HIVEP1: variants seen among roughly 807,000 people sequenced by gnomAD.
HIVEP1 encodes zinc finger protein 40.
Under a neutral mutation model 180.0 loss-of-function variants are expected in HIVEP1, and 36 were observed. The observed-to-expected ratio is 0.20, with a 90% CI of 0.15 to 0.26. The LOEUF is 0.26. Ranked by LOEUF, HIVEP1 falls within the 10% of genes least tolerant of loss-of-function variation. HIVEP1 has a pLI of 1.00. For synonymous variants in HIVEP1, 1,239 were observed against 1,239.0 expected (o/e 1.00, Z 0.00); for missense variants, 3,143 against 3,268.7 (o/e 0.96, Z 0.94).
intron 7 of HIVEP1, among the ~76,000 whole-genome samples, chr6:12,145,104 A>G (rs1032163068): frequency 1.3e-5 from 2 of 152,216 alleles, no homozygotes; most frequent in African/African-American, 4.8e-5. Context: ...ACAATAGCAA[A>G]GACTTGGAAC....
intron 2 of HIVEP1, among the ~76,000 whole-genome samples, chr6:12,053,225 A>ATG (rs767873433): frequency 1.6e-4 from 25 of 151,590 alleles, no homozygotes; most frequent in South Asian, 4.2e-4. Context: ...TATGCTGTTC[A>ATG]TGTGTGTGTG....
intron 3 of HIVEP1, among the ~76,000 whole-genome samples, chr6:12,114,447 G>T (rs1201370786): frequency 6.6e-6 from 1 of 151,762 alleles, no homozygotes; most frequent in East Asian, 1.9e-4. Context: ...GTTTCTTTTT[G>T]TTTCTAGCTC....
Position 12,123,944 on chromosome 6 carries a change from C to T in HIVEP1, c.4149C>T (p.Leu1383=), listed in dbSNP as rs1757882076. The change falls in exon 4 of 9, where the codon CTC becomes CTT. Residue 1383 remains leucine, a synonymous_variant. Transcript: ENST00000379388. The part of the protein sequence containing the change: ...CTQTSMEVSD[L]RSKSFDCGSI... Reference sequence around the variant, plus strand: ...AAACGTCAATGGAGGTCTCTGATCTCAGAAGCAAATCATTCGATTGTGGAA... The same window carrying T: ...AAACGTCAATGGAGGTCTCTGATCTTAGAAGCAAATCATTCGATTGTGGAA... 6.2e-7 allele frequency: 1 copy of T among 1,614,118 alleles called. No homozygotes were observed.
the HIVEP1 span, among the ~76,000 whole-genome samples, chr6:12,180,439 T>C: frequency 5.9e-5 from 9 of 152,312 alleles, no homozygotes; most frequent in East Asian, 3.9e-4. Flanking sequence ...TTATAAGCAT[T>C]CAATATTTTC....
At chr6:12,146,375 G>A (rs559381680) in intron 7 of HIVEP1, among the ~76,000 whole-genome samples, 9 of 152,226 alleles carry the variant, frequency 5.9e-5, no homozygotes, top group East Asian at 1.9e-4. Context: ...CCTAGGAGGC[G>A]GAGATTGCGG....
chr6:12,173,488 A>G, the HIVEP1 span, among the ~76,000 whole-genome samples: 1 of 152,234 alleles, frequency 6.6e-6, no homozygotes, highest in East Asian at 1.9e-4. Context: ...AAAGCGTAAG[A>G]GAGAAAAATA....
chr6:12,046,369 G>A (rs1770113575), intron 2 of HIVEP1, among the ~76,000 whole-genome samples: 1 of 152,108 alleles, frequency 6.6e-6, no homozygotes, highest in African/African-American at 2.4e-5. Flanking sequence ...AAAAAGTCTT[G>A]TGGCACACTG....
rs1775479212 is a variant in HIVEP1, at chr6:12,120,180, G to C, written c.385G>C (p.Val129Leu). 1 of 1,614,062 alleles carries C rather than the reference G, an allele frequency of 6.2e-7. No individual in the cohort carries two copies. Among genetic ancestry groups the C allele is most frequent in the African/African-American group, 1.3e-5 (1 of 74,926 alleles). The change falls in exon 4 of 9, where the codon GTC becomes CTC. Residue 129 changes from valine to leucine, a missense_variant. Coordinates refer to ENST00000379388, the MANE Select transcript of HIVEP1 (RefSeq NM_002114.4). ...TGAAGCCTCAAAATCTGAAGAATCTGTCTCCCCAAAGAAGCCCTTGTTTCT... is the reference window on the plus strand; with the variant it reads ...TGAAGCCTCAAAATCTGAAGAATCTCTCTCCCCAAAGAAGCCCTTGTTTCT... ...IAEASKSEES[V>L]SPKKPLFLQQ... is the part of the protein sequence containing the mutation.
the HIVEP1 span, among the ~76,000 whole-genome samples, chr6:12,175,715 C>G: frequency 6.6e-6 from 1 of 152,192 alleles, no homozygotes; most frequent in African/African-American, 2.4e-5. Flanking sequence ...TCATCTCTGA[C>G]AGCTTATGTG....
At chr6:12,138,878 C>A (rs1758846408) in intron 7 of HIVEP1, among the ~76,000 whole-genome samples, 1 of 151,858 alleles carries the variant, frequency 6.6e-6, no homozygotes, top group Non-Finnish European at 1.5e-5. Flanking sequence ...ATCTTGAAGT[C>A]ATCCTTGATG....
intron 2 of HIVEP1, among the ~76,000 whole-genome samples, chr6:12,078,837 G>GT (rs1164581150): frequency 1.1e-4 from 17 of 151,486 alleles, no homozygotes; most frequent in Middle Eastern, 3.2e-3. Context: ...AGTTTGTTTT[G>GT]TTTTTTTTAA....
the HIVEP1 span, among the ~76,000 whole-genome samples, chr6:12,177,002 T>C: frequency 6.6e-6 from 1 of 152,228 alleles, no homozygotes; most frequent in African/African-American, 2.4e-5. Context: ...AACGAGATCA[T>C]ATCTTCTGCG....
At chr6:12,136,512 G>C (rs768845327) in intron 7 of HIVEP1, among the ~76,000 whole-genome samples, 1 of 152,082 alleles carries the variant, frequency 6.6e-6, no homozygotes, top group Non-Finnish European at 1.5e-5. Flanking sequence ...TTTCCTCCCT[G>C]AAAGCATTTA....
At chr6:12,144,685 A>AG (rs1759259918) in intron 7 of HIVEP1, among the ~76,000 whole-genome samples, 1 of 152,228 alleles carries the variant, frequency 6.6e-6, no homozygotes, top group African/African-American at 2.4e-5. Flanking sequence ...AAGAAAAAAA[A>AG]CAACCCCATC....
intron 7 of HIVEP1, among the ~76,000 whole-genome samples, chr6:12,149,918 C>G (rs1327876109): frequency 1.3e-5 from 2 of 152,132 alleles, no homozygotes; most frequent in Non-Finnish European, 2.9e-5. Flanking sequence ...GCAGGCTGCG[C>G]GGTACCTGTC....
At chr6:12,016,054 T>C (rs1439091439) in intron 2 of HIVEP1, among the ~76,000 whole-genome samples, 2 of 152,184 alleles carry the variant, frequency 1.3e-5, no homozygotes, top group African/African-American at 4.8e-5. Context: ...CATAGTTCTT[T>C]TGAGGTTTAT....
intron 3 of HIVEP1, among the ~76,000 whole-genome samples, chr6:12,099,269 G>A (rs1300549675): frequency 4.0e-5 from 6 of 150,438 alleles, no homozygotes; most frequent in African/African-American, 1.2e-4. Flanking sequence ...GCGGGTTCAC[G>A]CCATTCTCCT....
At position 12,058,045 on chromosome 6, in the gene HIVEP1, G is replaced by A. The variant is rs1770989195; in HGVS notation, c.41-31139G>A. 2.0e-5 allele frequency among the ~76,000 whole-genome samples: 3 copies of A among 152,138 alleles called. No homozygotes were observed. The South Asian group carries it at 6.2e-4, about 32-fold the overall frequency. ...CCAATTGTGGCTTTCTTGCTAAACA[G>A]ATGTTTAGAGTACATAAGTCCCTGA... is the stretch of plus-strand genomic sequence containing the variant. On this transcript the variant is annotated intron_variant, in intron 2 of 8. Transcript: ENST00000379388.
the HIVEP1 span, among the ~76,000 whole-genome samples, chr6:12,204,419 A>G: frequency 1.2e-5 from 1 of 83,464 alleles, no homozygotes; most frequent in Admixed American, 1.2e-4. Context: ...CTCAACCCTC[A>G]TCTACGGAGT....
Sources: allele counts gnomAD v4.1 joint callset (sites outside exome capture counted in the v4.1 genomes callset), GRCh38; gene constraint gnomAD v4.1.1; transcripts MANE v1.5; gene names NCBI Gene and HGNC (gene_info 2026-07-23, HGNC 2026-07-21).